Variants in NCOA1 observed in about 807,000 individuals in gnomAD.
NCOA1 encodes nuclear receptor coactivator 1, also known as Hin-2 protein.
In NCOA1, 35 loss-of-function variants were observed where a neutral mutation model predicts 150.9. The ratio of observed to expected loss-of-function variants is 0.23; its 90% confidence interval spans 0.18 to 0.31. The LOEUF (loss-of-function observed/expected upper bound fraction) is 0.31. NCOA1 is among the 10% of genes least tolerant of loss of function. The pLI, the probability that NCOA1 is intolerant of heterozygous loss-of-function variation, is 1.00. For synonymous variants in NCOA1, 590 were observed against 630.0 expected (o/e 0.94, Z 0.95); for missense variants, 1,491 against 1,749.3 (o/e 0.85, Z 2.63).
chr2:24,741,711 T>C (rs1365076310), intron 18 of NCOA1, 73 bp from the exon 19 acceptor site: 14 of 1,473,992 alleles, frequency 9.5e-6, no homozygotes, highest in Non-Finnish European at 1.3e-5. Context: ...AAGTAGGCCT[T>C]AATCCAATGA....
At chr2:24,639,008 A>AT (rs1670062669) in intron 3 of NCOA1, among the ~76,000 whole-genome samples, 4 of 151,908 alleles carry the variant, frequency 2.6e-5, no homozygotes, top group South Asian at 4.2e-4. Flanking sequence ...ATTCAATTTG[A>AT]TTTTTTTTGT....
intron 3 of NCOA1, among the ~76,000 whole-genome samples, chr2:24,636,341 TATAA>T (rs1253919986): frequency 6.6e-6 from 1 of 151,678 alleles, no homozygotes; most frequent in African/African-American, 2.4e-5. Context: ...TTGATGCTAT[TATAA>T]ATAAAATTGT....
intron 1 of NCOA1, among the ~76,000 whole-genome samples, chr2:24,500,350 C>T (rs566282415): frequency 4.5e-4 from 69 of 152,276 alleles, no homozygotes; most frequent in African/African-American, 1.6e-3. Context: ...TCGGGTGATC[C>T]GCCCGCCTTG....
intron 1 of NCOA1, among the ~76,000 whole-genome samples, chr2:24,525,619 T>C (rs1281870391): frequency 6.6e-6 from 1 of 151,910 alleles, no homozygotes; most frequent in Non-Finnish European, 1.5e-5. Context: ...CGATTTTGGC[T>C]CACTGCGGCC....
At chr2:24,712,554 GAC>G (rs1673795275) in intron 14 of NCOA1, among the ~76,000 whole-genome samples, 2 of 152,084 alleles carry the variant, frequency 1.3e-5, no homozygotes, top group African/African-American at 4.8e-5. Context: ...TGACTGAACA[GAC>G]ACAGTCAAGA....
intron 7 of NCOA1, chr2:24,676,557 A>G (rs898357805): frequency 1.3e-5 from 2 of 152,930 alleles, no homozygotes; most frequent in African/African-American, 4.8e-5. Flanking sequence ...TGGAAACGCA[A>G]AAAGCCAGAG....
intron 14 of NCOA1, among the ~76,000 whole-genome samples, chr2:24,714,488 G>T (rs1391114738): frequency 6.7e-6 from 1 of 149,728 alleles, no homozygotes; most frequent in Non-Finnish European, 1.5e-5. Context: ...TGAGGGAAGA[G>T]ATATAAACTA....
chr2:24,647,804 G>A (rs72788638), intron 4 of NCOA1, among the ~76,000 whole-genome samples: 9,942 of 152,184 alleles, frequency 0.065, 423 homozygotes, highest in East Asian at 0.19. Flanking sequence ...GGAAGGGTAA[G>A]CATGCTTATA....
chr2:24,588,844 A>T (rs1293119227), intron 3 of NCOA1, among the ~76,000 whole-genome samples: 10 of 152,234 alleles, frequency 6.6e-5, no homozygotes, highest in Admixed American at 6.5e-4. Flanking sequence ...AATAATCATC[A>T]TGAAATCTGT....
At chr2:24,728,562 C>CTGT in intron 16 of NCOA1, 86 bp downstream of exon 16, 2 of 1,135,886 alleles carry the variant, frequency 1.8e-6, no homozygotes, top group Non-Finnish European at 2.4e-6. Flanking sequence ...AGTATTGTAC[C>CTGT]CACTATGCTT....
At chr2:24,603,296 G>A (rs1668212391) in intron 3 of NCOA1, among the ~76,000 whole-genome samples, 1 of 152,196 alleles carries the variant, frequency 6.6e-6, no homozygotes, top group African/African-American at 2.4e-5. Flanking sequence ...CCTCAATGTT[G>A]ATGGTTGCTG....
intron 3 of NCOA1, among the ~76,000 whole-genome samples, chr2:24,642,934 G>A (rs1034210625): frequency 3.3e-5 from 5 of 152,122 alleles, no homozygotes; most frequent in African/African-American, 7.2e-5. Context: ...ATAGAAATAG[G>A]GAACAGATTG....
intron 14 of NCOA1, among the ~76,000 whole-genome samples, chr2:24,722,410 T>C (rs1449770015): frequency 6.6e-6 from 1 of 152,228 alleles, no homozygotes; most frequent in Non-Finnish European, 1.5e-5. Context: ...TATCTTCAAA[T>C]CCCTATTGTT....
chr2:24,592,311 C>G (rs1161110418), intron 3 of NCOA1, among the ~76,000 whole-genome samples: 2 of 152,020 alleles, frequency 1.3e-5, no homozygotes, highest in African/African-American at 4.8e-5. Context: ...ACTCAGTGAC[C>G]TTGTGAAGAG....
chr2:24,643,077 CAT>C (rs1189791749), intron 3 of NCOA1, among the ~76,000 whole-genome samples: 8 of 152,144 alleles, frequency 5.3e-5, no homozygotes, highest in African/African-American at 1.9e-4. Context: ...GCTAAAATGT[CAT>C]AGAATTGTAA....
intron 21 of NCOA1, among the ~76,000 whole-genome samples, chr2:24,758,470 G>A (rs1016179102): frequency 6.6e-6 from 1 of 151,434 alleles, no homozygotes; most frequent in Non-Finnish European, 1.5e-5. Context: ...AGCTGGGACT[G>A]CAAGCACATG....
chr2:24,638,180 C>CTTTT (rs544369191), intron 3 of NCOA1, among the ~76,000 whole-genome samples: 11 of 89,528 alleles, frequency 1.2e-4, no homozygotes, highest in Admixed American at 2.6e-4. Context: ...ATGAGATCAA[C>CTTTT]TTTTTTTTTT....
At chr2:24,725,122 C>A (rs191632004) in intron 14 of NCOA1, among the ~76,000 whole-genome samples, 1 of 152,154 alleles carries the variant, frequency 6.6e-6, no homozygotes, top group Admixed American at 6.5e-5. Context: ...TAATAATGTT[C>A]AGTAACTAGC....
At chr2:24,491,768 C>G (rs1421143001) in intron 1 of NCOA1, 166 bp downstream of exon 1, 1 of 152,054 alleles carries the variant, frequency 6.6e-6, no homozygotes, top group Non-Finnish European at 1.5e-5. Flanking sequence ...CCCTCGCGGC[C>G]CGGCGCGGCT....
Sources: gnomAD v4.1 joint callset for allele counts (sites outside exome capture counted in the v4.1 genomes callset) on GRCh38, gnomAD v4.1.1 for gene constraint, MANE v1.5 for transcripts, NCBI Gene and HGNC (gene_info 2026-07-23, HGNC 2026-07-21) for gene names.